The following PTPRD variants were observed in gnomAD, a reference collection of about 807,000 sequenced individuals.
PTPRD encodes receptor-type tyrosine-protein phosphatase delta.
Under a neutral mutation model 214.5 loss-of-function variants are expected in PTPRD, and 34 were observed. That is an observed-to-expected ratio of 0.16 (90% CI 0.12 to 0.21). PTPRD has a LOEUF of 0.21. PTPRD is among the 10% of genes least tolerant of loss of function. The probability of loss-of-function intolerance (pLI) is 1.00; values close to 1 mark genes in which losing one functional copy is unlikely to be tolerated. For missense variants in PTPRD, 2,545 were observed against 2,398.7 expected (o/e 1.06, Z -1.27); for synonymous variants, 1,128 against 845.7 (o/e 1.33, Z -5.79).
At chr9:10,545,425 C>T (rs576381152) in intron 2 of PTPRD, among the ~76,000 whole-genome samples, 7 of 152,296 alleles carry the variant, frequency 4.6e-5, no homozygotes, top group African/African-American at 1.4e-4. Context: ...TTACACTATA[C>T]ACACAGGCCT....
At chr9:9,305,506 C>T (rs749883356) in intron 9 of PTPRD, among the ~76,000 whole-genome samples, 8 of 152,012 alleles carry the variant, frequency 5.3e-5, no homozygotes, top group Non-Finnish European at 1.0e-4. Context: ...CTTAACTCTA[C>T]CTCAAATCAG....
At chr9:8,724,404 T>A (rs886164501) in intron 12 of PTPRD, among the ~76,000 whole-genome samples, 1 of 152,208 alleles carries the variant, frequency 6.6e-6, no homozygotes, top group Non-Finnish European at 1.5e-5. Flanking sequence ...TCTATCACCC[T>A]GGTCCCTTGT....
At chr9:9,418,354 G>C (rs1587856382) in intron 8 of PTPRD, among the ~76,000 whole-genome samples, 1 of 151,918 alleles carries the variant, frequency 6.6e-6, no homozygotes, top group East Asian at 1.9e-4. Flanking sequence ...GTGGAGATTA[G>C]TACTAGAGAA....
intron 12 of PTPRD, among the ~76,000 whole-genome samples, chr9:8,679,624 G>A (rs2097510570): frequency 6.6e-6 from 1 of 152,154 alleles, no homozygotes; most frequent in African/African-American, 2.4e-5. Context: ...AAACACATGT[G>A]GTTTAGAATA....
intron 14 of PTPRD, among the ~76,000 whole-genome samples, chr9:8,556,127 C>G (rs2083678028): frequency 6.6e-6 from 1 of 152,184 alleles, no homozygotes; most frequent in Non-Finnish European, 1.5e-5. Flanking sequence ...AGACTTCTGT[C>G]ATTCTTACAC....
chr9:9,422,935 C>T (rs979567667), intron 8 of PTPRD, among the ~76,000 whole-genome samples: 3 of 152,088 alleles, frequency 2.0e-5, no homozygotes, highest in African/African-American at 7.2e-5. Context: ...GATTTGAGAG[C>T]CCATAAGGAA....
At chr9:8,679,954 A>C (rs2097519401) in intron 12 of PTPRD, among the ~76,000 whole-genome samples, 1 of 152,242 alleles carries the variant, frequency 6.6e-6, no homozygotes. Context: ...ACTAGAGAAA[A>C]GATCAATTGG....
intron 4 of PTPRD, among the ~76,000 whole-genome samples, chr9:9,965,892 TCTTTC>T (rs2094658053): frequency 6.6e-6 from 1 of 152,212 alleles, no homozygotes; most frequent in African/African-American, 2.4e-5. Context: ...TTAGCATGTC[TCTTTC>T]CTTAGTGAGC....
chr9:10,552,250 G>C (rs977875066), intron 2 of PTPRD, among the ~76,000 whole-genome samples: 1 of 146,020 alleles, frequency 6.8e-6, no homozygotes, highest in Non-Finnish European at 1.5e-5. Context: ...AGAAAACCAA[G>C]CTTTTTTATC....
At chr9:9,484,232 CCTT>C (rs1589587217) in intron 8 of PTPRD, among the ~76,000 whole-genome samples, 1 of 151,048 alleles carries the variant, frequency 6.6e-6, no homozygotes, top group Admixed American at 6.6e-5. Flanking sequence ...ACAAATGAAA[CCTT>C]CTGGTCATGT....
intron 12 of PTPRD, among the ~76,000 whole-genome samples, chr9:8,649,654 T>G (rs1016869169): frequency 6.6e-6 from 1 of 152,246 alleles, no homozygotes; most frequent in African/African-American, 2.4e-5. Context: ...GATACACAAT[T>G]TTGATACATA....
intron 9 of PTPRD, among the ~76,000 whole-genome samples, chr9:9,346,614 C>T (rs2048897558): frequency 6.6e-6 from 1 of 152,042 alleles, no homozygotes; most frequent in Admixed American, 6.6e-5. Context: ...ATATAAAGCA[C>T]TCTATAACTC....
chr9:9,801,037 GTTATTTA>G (rs998971120), intron 5 of PTPRD, among the ~76,000 whole-genome samples: 52 of 152,050 alleles, frequency 3.4e-4, no homozygotes, highest in African/African-American at 1.3e-3. Context: ...CTACTCAACT[GTTATTTA>G]TTATTTATTT....
chr9:9,962,045 A>T (rs991893457), intron 4 of PTPRD, among the ~76,000 whole-genome samples: 11 of 152,126 alleles, frequency 7.2e-5, no homozygotes, highest in Non-Finnish European at 1.5e-4. Flanking sequence ...ATCCCATAGA[A>T]ACAAGTATAA....
intron 7 of PTPRD, among the ~76,000 whole-genome samples, chr9:9,649,609 G>A (rs1219050225): frequency 1.3e-5 from 2 of 152,138 alleles, no homozygotes; most frequent in African/African-American, 4.8e-5. Context: ...CTGCCTTAGA[G>A]CACTAAAATA....
At chr9:8,578,164 C>A (rs143030697) in intron 14 of PTPRD, among the ~76,000 whole-genome samples, 2 of 152,036 alleles carry the variant, frequency 1.3e-5, no homozygotes, top group East Asian at 3.9e-4. Context: ...CATGTCAAGA[C>A]GATAGCAGAT....
intron 11 of PTPRD, among the ~76,000 whole-genome samples, chr9:8,937,298 A>C (rs1004427827): frequency 1.3e-5 from 2 of 152,196 alleles, no homozygotes; most frequent in Non-Finnish European, 2.9e-5. Flanking sequence ...AGTTAGTCAC[A>C]TACAGAGAAA....
intron 10 of PTPRD, among the ~76,000 whole-genome samples, chr9:9,105,070 T>G (rs2099796606): frequency 6.6e-6 from 1 of 152,212 alleles, no homozygotes; most frequent in Non-Finnish European, 1.5e-5. Flanking sequence ...TCCTATTTAT[T>G]TATGCAACAT....
intron 7 of PTPRD, among the ~76,000 whole-genome samples, chr9:9,595,298 A>ATATTATATATATTTTATATATAT (rs2093201594): frequency 7.3e-6 from 1 of 136,150 alleles, no homozygotes; most frequent in African/African-American, 3.1e-5. Flanking sequence ...TTATATATAT[A>ATATTATATATATTTTATATATAT]TATATATATA....
Sources: gnomAD v4.1 joint callset for allele counts (sites outside exome capture counted in the v4.1 genomes callset) on GRCh38, gnomAD v4.1.1 for gene constraint, MANE v1.5 for transcripts, NCBI Gene and HGNC (gene_info 2026-07-23, HGNC 2026-07-21) for gene names.